Variants in RNF13 observed in about 807,000 individuals in gnomAD.
The protein encoded by RNF13 is E3 ubiquitin-protein ligase RNF13.
A neutral mutation model predicts 37.7 loss-of-function variants in RNF13; 19 were observed. The ratio of observed to expected loss-of-function variants is 0.50; its 90% CI spans 0.35 to 0.74. RNF13 has a LOEUF of 0.74. Ranked by LOEUF, RNF13 falls within the 30% of genes least tolerant of loss-of-function variation. The pLI is 0.01. For missense variants in RNF13, 375 were observed against 453.0 expected (o/e 0.83, Z 1.56); for synonymous variants, 144 against 157.8 (o/e 0.91, Z 0.65).
chr3:149,818,069 C>T (rs1719644153), intron 1 of RNF13, among the ~76,000 whole-genome samples: 1 of 152,090 alleles, frequency 6.6e-6, no homozygotes, highest in Admixed American at 6.6e-5. Flanking sequence ...CTCAGTAAAC[C>T]AACAGAAAAA....
intron 8 of RNF13, among the ~76,000 whole-genome samples, chr3:149,950,693 C>T (rs1391838821): frequency 6.6e-6 from 1 of 151,144 alleles, no homozygotes. Flanking sequence ...CCAGGCTGGT[C>T]TTCAACATCT....
intron 7 of RNF13, among the ~76,000 whole-genome samples, chr3:149,915,531 G>T (rs537664997): frequency 6.6e-6 from 1 of 152,076 alleles, no homozygotes; most frequent in Admixed American, 6.5e-5. Context: ...GCAAAGACTC[G>T]AATAGATATT....
chr3:149,944,599 A>G (rs1006468453), intron 8 of RNF13, among the ~76,000 whole-genome samples: 4 of 152,096 alleles, frequency 2.6e-5, no homozygotes, highest in East Asian at 3.8e-4. Context: ...GGCTGCATCA[A>G]TGTCTTCTTT....
intron 8 of RNF13, among the ~76,000 whole-genome samples, chr3:149,946,834 T>G (rs1325844603): frequency 6.6e-6 from 1 of 152,190 alleles, no homozygotes; most frequent in Non-Finnish European, 1.5e-5. Flanking sequence ...AGTTGTGGAT[T>G]TAGCTTATTT....
chr3:149,931,460 T>C (rs1161204328), intron 8 of RNF13, among the ~76,000 whole-genome samples: 3 of 152,192 alleles, frequency 2.0e-5, no homozygotes, highest in Admixed American at 1.3e-4. Flanking sequence ...TTCCTAAAGG[T>C]AAAGCTTAGA....
At chr3:149,951,556 T>G (rs917649695) in intron 8 of RNF13, among the ~76,000 whole-genome samples, 2 of 152,212 alleles carry the variant, frequency 1.3e-5, no homozygotes, top group African/African-American at 4.8e-5. Flanking sequence ...GTAGCTGTAT[T>G]TGCTTAGGAG....
At chr3:149,851,249 A>G (rs1723093205) in intron 2 of RNF13, 1 of 152,212 alleles carries the variant, frequency 6.6e-6, no homozygotes, top group Non-Finnish European at 1.5e-5. Context: ...ACAGTGTGGT[A>G]TGGTTACCAG....
At chr3:149,895,444 AATT>A (rs1715144375) in intron 4 of RNF13, 26 bp from the exon 5 acceptor site, 11 of 1,037,616 alleles carry the variant, frequency 1.1e-5, no homozygotes, top group Middle Eastern at 2.3e-4. Flanking sequence ...CTTATAACAT[AATT>A]TTTTTTTTTT....
chr3:149,827,206 A>G (rs1720591409), intron 1 of RNF13, among the ~76,000 whole-genome samples: 1 of 152,252 alleles, frequency 6.6e-6, no homozygotes, highest in Non-Finnish European at 1.5e-5. Context: ...TGGTATAACA[A>G]CTATTTACAT....
At chr3:149,945,930 C>A (rs569564338) in intron 8 of RNF13, among the ~76,000 whole-genome samples, 1 of 152,302 alleles carries the variant, frequency 6.6e-6, no homozygotes, top group South Asian at 2.1e-4. Context: ...TCACCATCAT[C>A]AAAGACCAAA....
chr3:149,860,270 A>AAAAAAATATATATAT (rs1302318768), intron 3 of RNF13, among the ~76,000 whole-genome samples: 1 of 104,114 alleles, frequency 9.6e-6, no homozygotes, highest in Non-Finnish European at 1.8e-5. Flanking sequence ...AAAAAAAAAA[A>AAAAAAATATATATAT]ATATATATAT....
intron 8 of RNF13, among the ~76,000 whole-genome samples, chr3:149,959,295 C>T (rs112306357): frequency 5.3e-5 from 8 of 152,140 alleles, no homozygotes; most frequent in African/African-American, 1.4e-4. Flanking sequence ...GCCAAAAGTG[C>T]GAGACTCCGT....
chr3:149,954,915 T>TTC (rs1721713790), intron 8 of RNF13, among the ~76,000 whole-genome samples: 1 of 152,170 alleles, frequency 6.6e-6, no homozygotes, highest in Non-Finnish European at 1.5e-5. Flanking sequence ...ATTAATGTAT[T>TTC]TCTCCAAGTC....
intron 8 of RNF13, among the ~76,000 whole-genome samples, chr3:149,942,303 G>C (rs556192895): frequency 5.3e-5 from 8 of 152,086 alleles, no homozygotes; most frequent in African/African-American, 1.4e-4. Context: ...TGGACAGTTT[G>C]ACAATGTTAA....
intron 8 of RNF13, among the ~76,000 whole-genome samples, chr3:149,926,602 T>C (rs1223145852): frequency 1.3e-5 from 2 of 152,234 alleles, no homozygotes; most frequent in Non-Finnish European, 2.9e-5. Context: ...TTGTCTTTTG[T>C]GTTTAATCCA....
chr3:149,931,540 T>C (rs1719164248), intron 8 of RNF13, among the ~76,000 whole-genome samples: 1 of 152,218 alleles, frequency 6.6e-6, no homozygotes, highest in Non-Finnish European at 1.5e-5. Context: ...CCTGTACTGC[T>C]TTCATTGCAT....
At chr3:149,900,683 C>G (rs1255375908) in intron 5 of RNF13, among the ~76,000 whole-genome samples, 3 of 152,128 alleles carry the variant, frequency 2.0e-5, no homozygotes, top group Non-Finnish European at 2.9e-5. Flanking sequence ...AAAGCTTACA[C>G]TTTAAAAATT....
At chr3:149,823,619 A>G (rs750511626) in intron 1 of RNF13, among the ~76,000 whole-genome samples, 1 of 152,222 alleles carries the variant, frequency 6.6e-6, no homozygotes, top group Non-Finnish European at 1.5e-5. Flanking sequence ...TCAATGTTGT[A>G]CAGCAAGAAA....
intron 5 of RNF13, among the ~76,000 whole-genome samples, chr3:149,898,060 A>T (rs149200141): frequency 2.0e-5 from 3 of 152,368 alleles, no homozygotes; most frequent in African/African-American, 7.2e-5. Context: ...CTGCGCCCTC[A>T]GGAAAGTTAC....
Sources: gnomAD v4.1 joint callset for allele counts (sites outside exome capture counted in the v4.1 genomes callset) on GRCh38, gnomAD v4.1.1 for gene constraint, MANE v1.5 for transcripts, NCBI Gene and HGNC (gene_info 2026-07-23, HGNC 2026-07-21) for gene names.